TMPRSS15: variants seen among roughly 807,000 people sequenced by gnomAD.
TMPRSS15 encodes enteropeptidase.
Under a neutral mutation model 125.3 loss-of-function variants are expected in TMPRSS15, and 128 were observed. The ratio of observed to expected loss-of-function variants is 1.02; its 90% CI spans 0.89 to 1.18. The LOEUF is 1.18. Among genes scored for constraint, TMPRSS15 ranks in the 50% most tolerant of loss-of-function variants. The pLI is 0.00. For synonymous variants in TMPRSS15, 446 were observed against 423.2 expected (o/e 1.05, Z -0.66); for missense variants, 1,283 against 1,212.7 (o/e 1.06, Z -0.86).
rs368842840 is a variant in TMPRSS15, at chr21:18,329,193, C to T, written c.1756G>A (p.Glu586Lys). The stretch of plus-strand genomic sequence containing the variant: ...CCTAAGAGCAAGGAATCAGCTTCTT[C>T]ACCATCTCTTATTTCAACTACATCG... ...INDVVEIRDG[E>K]EADSLLLAVY... Residue 586 changes from glutamate (E) to lysine (K), a missense_variant, in exon 15 of 25, where the codon GAA (glutamate) becomes AAA (lysine). Coordinates refer to ENST00000284885, the MANE Select transcript of TMPRSS15 (RefSeq NM_002772.3). 1.3e-5 allele frequency: 21 copies of T among 1,612,630 alleles called. No homozygotes were observed. In the East Asian group the frequency reaches 4.5e-4, roughly 34 times the overall value.
intron 13 of TMPRSS15, among the ~76,000 whole-genome samples, chr21:18,335,574 C>T (rs2075383891): frequency 6.6e-6 from 1 of 152,164 alleles, no homozygotes; most frequent in South Asian, 2.1e-4. Flanking sequence ...AAATGCATCC[C>T]TTTAAAATAC....
chr21:18,457,984 A>G (rs1477949649), intron 1 of TMPRSS15, among the ~76,000 whole-genome samples: 2 of 152,162 alleles, frequency 1.3e-5, no homozygotes, highest in South Asian at 2.1e-4. Flanking sequence ...CTTTAGTAAG[A>G]AAGATCCTTA....
At chr21:18,290,386 G>A (rs1443945556) in intron 21 of TMPRSS15, among the ~76,000 whole-genome samples, 1 of 151,932 alleles carries the variant, frequency 6.6e-6, no homozygotes. Context: ...GTTGACTTCA[G>A]GACTAGGATA....
At chr21:18,420,835 T>C (rs185781691) in intron 1 of TMPRSS15, among the ~76,000 whole-genome samples, 9 of 152,308 alleles carry the variant, frequency 5.9e-5, no homozygotes, top group Non-Finnish European at 1.0e-4. Flanking sequence ...TTTTCTGCTA[T>C]GTAGGCTTTC....
At position 18,391,003 on chromosome 21, in the gene TMPRSS15, A is replaced by G. The variant is rs372722103; in HGVS notation, c.344+6876T>C. ...CCCTTATGAAACCATCAGATCTCATAAGAACTCACACACTGTCATGAGAAC... is the reference window on the plus strand; with the variant it reads ...CCCTTATGAAACCATCAGATCTCATGAGAACTCACACACTGTCATGAGAAC... On this transcript the variant is annotated intron_variant, in intron 3 of 24. Coordinates refer to ENST00000284885, the MANE Select transcript of TMPRSS15 (RefSeq NM_002772.3). Among the ~76,000 whole-genome samples the G allele has an allele frequency of 3.9e-5, 6 of 152,284 alleles. No homozygotes were observed. In the East Asian group the frequency reaches 9.7e-4, roughly 25 times the overall value.
At chr21:18,389,666 G>A (rs1036355446) in intron 3 of TMPRSS15, among the ~76,000 whole-genome samples, 5 of 152,054 alleles carry the variant, frequency 3.3e-5, no homozygotes, top group Non-Finnish European at 7.4e-5. Flanking sequence ...ACAGGAGATG[G>A]GAAGGCACTG....
chr21:18,279,524 TG>T (rs925907610), intron 22 of TMPRSS15, among the ~76,000 whole-genome samples: 6 of 150,148 alleles, frequency 4.0e-5, no homozygotes, highest in Non-Finnish European at 7.4e-5. Context: ...TTAGTAGAGA[TG>T]GCGTTTCACT....
chr21:18,282,608 A>C (rs1241337553), intron 21 of TMPRSS15, among the ~76,000 whole-genome samples: 1 of 152,332 alleles, frequency 6.6e-6, no homozygotes, highest in East Asian at 1.9e-4. Flanking sequence ...TCAGTAAAGC[A>C]TCCACTGACA....
chr21:18,321,349 CTTTT>C (rs751011766), intron 16 of TMPRSS15, among the ~76,000 whole-genome samples: 8 of 100,594 alleles, frequency 8.0e-5, no homozygotes, highest in East Asian at 6.0e-4. Flanking sequence ...TTTTTTCCTT[CTTTT>C]TTTTTTTTTT....
intron 1 of TMPRSS15, among the ~76,000 whole-genome samples, chr21:18,411,715 A>G (rs1376777975): frequency 6.6e-6 from 1 of 151,416 alleles, no homozygotes; most frequent in African/African-American, 2.4e-5. Context: ...CTTTGTTCCC[A>G]CTCCACATGT....
chr21:18,418,182 C>T (rs557527466), intron 1 of TMPRSS15, among the ~76,000 whole-genome samples: 1 of 152,278 alleles, frequency 6.6e-6, no homozygotes, highest in East Asian at 1.9e-4. Context: ...TTCATTTCAC[C>T]CATTAGATAC....
chr21:18,376,075 A>G (rs1300077262), intron 5 of TMPRSS15, among the ~76,000 whole-genome samples: 1 of 152,188 alleles, frequency 6.6e-6, no homozygotes, highest in Non-Finnish European at 1.5e-5. Context: ...AGCTTACTCA[A>G]TAGGAAAAGC....
At chr21:18,307,609 C>T (rs925240836) in intron 18 of TMPRSS15, among the ~76,000 whole-genome samples, 1 of 152,046 alleles carries the variant, frequency 6.6e-6, no homozygotes, top group African/African-American at 2.4e-5. Flanking sequence ...CTTATTTATT[C>T]ATGGAACACA....
At chr21:18,352,120 C>G (rs1334376605) in intron 10 of TMPRSS15, among the ~76,000 whole-genome samples, 1 of 151,922 alleles carries the variant, frequency 6.6e-6, no homozygotes, top group Non-Finnish European at 1.5e-5. Context: ...ATTTGTAACT[C>G]TCACTTCAGT....
intron 1 of TMPRSS15, among the ~76,000 whole-genome samples, chr21:18,409,895 C>G (rs1222984618): frequency 8.6e-6 from 1 of 116,586 alleles, no homozygotes; most frequent in Non-Finnish European, 1.8e-5. Context: ...CCCTCCCTTC[C>G]TTCCTTCTTC....
chr21:18,401,453 A>G (rs1164490139), intron 1 of TMPRSS15, among the ~76,000 whole-genome samples: 1 of 152,210 alleles, frequency 6.6e-6, no homozygotes, highest in Non-Finnish European at 1.5e-5. Context: ...GCTAGAGGCC[A>G]TTATACTAAG....
intron 1 of TMPRSS15, among the ~76,000 whole-genome samples, chr21:18,453,969 A>G (rs1978389487): frequency 6.6e-6 from 1 of 152,238 alleles, no homozygotes; most frequent in East Asian, 1.9e-4. Context: ...AGCAAAGCAT[A>G]TGATATTTGC....
At chr21:18,296,014 G>A (rs1482582444) in intron 19 of TMPRSS15, among the ~76,000 whole-genome samples, 6 of 152,124 alleles carry the variant, frequency 3.9e-5, no homozygotes, top group African/African-American at 1.4e-4. Flanking sequence ...TTAGCCAGGC[G>A]TGGTGGCGGG....
At chr21:18,302,202 G>A (rs185163171) in intron 18 of TMPRSS15, among the ~76,000 whole-genome samples, 132 of 152,316 alleles carry the variant, frequency 8.7e-4, no homozygotes, top group Middle Eastern at 3.4e-3. Context: ...ACCCCAAAAG[G>A]TTTAAGTAAT....
Sources: allele counts gnomAD v4.1 joint callset (sites outside exome capture counted in the v4.1 genomes callset), GRCh38; gene constraint gnomAD v4.1.1; transcripts MANE v1.5; gene names NCBI Gene and HGNC (gene_info 2026-07-23, HGNC 2026-07-21).